The following ZNF540 variants were observed in gnomAD, a reference collection of about 807,000 sequenced individuals.
The protein encoded by ZNF540 is zinc finger protein 540, also known as CTD-3064H18.6.
In ZNF540, 3 loss-of-function variants were observed where a neutral mutation model predicts 11.8. The ratio of observed to expected loss-of-function variants is 0.25; its 90% CI spans 0.12 to 0.65. The LOEUF is 0.65. ZNF540 is among the 30% of genes least tolerant of loss of function. The pLI is 0.83. For missense variants in ZNF540, 709 were observed against 793.1 expected (o/e 0.89, Z 1.27); for synonymous variants, 247 against 259.0 (o/e 0.95, Z 0.45).
At chr19:37,598,315 A>G (rs897117767) in intron 1 of ZNF540, 61 bp from the exon 2 acceptor site, 2 of 829,304 alleles carry the variant, frequency 2.4e-6, no homozygotes, top group Non-Finnish European at 4.0e-6. Context: ...AATTTATATC[A>G]TATTGTTACC....
intron 1 of ZNF540, among the ~76,000 whole-genome samples, chr19:37,554,469 T>G (rs926198878): frequency 4.2e-4 from 64 of 152,232 alleles, no homozygotes; most frequent in South Asian, 2.1e-4. Flanking sequence ...AGTTTATGAA[T>G]CTTGTTACTT....
intron 1 of ZNF540, chr19:37,584,161 A>T (rs1238776539): frequency 6.2e-7 from 1 of 1,607,818 alleles, no homozygotes; most frequent in Non-Finnish European, 8.5e-7. Context: ...AATGAGAAGA[A>T]AATGGAGGAG....
intron 1 of ZNF540, among the ~76,000 whole-genome samples, chr19:37,559,605 A>G (rs2147140329): frequency 6.6e-6 from 1 of 152,364 alleles, no homozygotes; most frequent in African/African-American, 2.4e-5. Flanking sequence ...TCTGGACTCA[A>G]ACCAACTATT....
chr19:37,586,976 A>C, intron 1 of ZNF540: 1 of 382,170 alleles, frequency 2.6e-6, no homozygotes, highest in Non-Finnish European at 4.7e-6. Context: ...CTCCTCTTCC[A>C]CAGTAGAACA....
At position 37,613,527 on chromosome 19, in the gene ZNF540, T is replaced by C; in HGVS notation, c.*264T>C. ...CCACTACTCTACTATCTGTGTGATA[T>C]TAGACAAAATATTTGCTTCTTGGTA... On this transcript the variant is annotated 3_prime_UTR_variant, in exon 5 of 5. Transcript: ENST00000316433. 2.5e-6 allele frequency: 1 copy of C among 395,354 alleles called. No individual in the cohort carries two copies. The allele number at this position is 395,354 out of a possible 1,614,324, so 24.5% of individuals were successfully genotyped here.
In ZNF540 at chr19:37,613,141, C is replaced by T. The variant is rs1044161158; in HGVS notation, c.1861C>T (p.His621Tyr). The change falls in exon 5 of 5, where the codon CAC becomes TAC. Residue 621 changes from histidine (H) to tyrosine (Y), a missense_variant. Physicochemically the swap from His to Tyr is moderately conservative, Grantham distance 83 (BLOSUM62 2). Transcript: ENST00000316433. Reference sequence around the variant, plus strand: ...TGGGAAGGCCTTTAGACTTAATTCACACCTTACTGAACATCAGAGAATTCA... The same window carrying T: ...TGGGAAGGCCTTTAGACTTAATTCATACCTTACTGAACATCAGAGAATTCA... ...QCGKAFRLNS[H>Y]LTEHQRIHTG... 3 of 1,613,246 alleles carry T rather than the reference C, an allele frequency of 1.9e-6. No homozygotes were observed. Among genetic ancestry groups the T allele is most frequent in the East Asian group, 2.2e-5 (1 of 44,752 alleles).
At chr19:37,580,184 A>G (rs925020217) in intron 1 of ZNF540, among the ~76,000 whole-genome samples, 7 of 152,240 alleles carry the variant, frequency 4.6e-5, no homozygotes, top group Admixed American at 4.6e-4. Context: ...ATCTCCAGCT[A>G]TATTATCAGG....
intron 2 of ZNF540, 110 bp from the exon 3 acceptor site, chr19:37,599,516 A>C: frequency 4.7e-6 from 6 of 1,287,400 alleles, no homozygotes; most frequent in Non-Finnish European, 6.5e-6. Context: ...GCCCCAGCCT[A>C]GAGTTTAGTA....
chr19:37,557,783 C>T (rs970478591), intron 1 of ZNF540, among the ~76,000 whole-genome samples: 1 of 152,106 alleles, frequency 6.6e-6, no homozygotes, highest in African/African-American at 2.4e-5. Flanking sequence ...CATCCATTCG[C>T]CAGAAGCACT....
chr19:37,576,535 A>G (rs1226022972), intron 1 of ZNF540, among the ~76,000 whole-genome samples: 3 of 152,198 alleles, frequency 2.0e-5, no homozygotes, highest in Non-Finnish European at 4.4e-5. Flanking sequence ...AAGTTATACT[A>G]ATTTTCCTTA....
intron 1 of ZNF540, among the ~76,000 whole-genome samples, chr19:37,596,001 T>C (rs1401810774): frequency 3.3e-5 from 5 of 152,176 alleles, no homozygotes; most frequent in African/African-American, 1.2e-4. Context: ...TTTTTTTAAA[T>C]TTGAGATGAT....
chr19:37,589,634 G>T (rs73033129), intron 1 of ZNF540, among the ~76,000 whole-genome samples: 26,034 of 151,802 alleles, frequency 0.17, 2,490 homozygotes, highest in Middle Eastern at 0.3. Flanking sequence ...ACACCTATCA[G>T]ATCTGGACAT....
chr19:37,582,030 T>C (rs749588723), intron 1 of ZNF540, among the ~76,000 whole-genome samples: 1 of 152,188 alleles, frequency 6.6e-6, no homozygotes, highest in Non-Finnish European at 1.5e-5. Flanking sequence ...TAAACTCTAA[T>C]CACACTTCTT....
At chr19:37,581,621 T>C (rs1420432491) in intron 1 of ZNF540, among the ~76,000 whole-genome samples, 1 of 151,968 alleles carries the variant, frequency 6.6e-6, no homozygotes, top group East Asian at 1.9e-4. Flanking sequence ...TGTGACATAA[T>C]GCCCTGCTAA....
chr19:37,586,705 GTTC>G (rs1568358699), intron 1 of ZNF540: 3 of 1,613,802 alleles, frequency 1.9e-6, no homozygotes, highest in Admixed American at 1.7e-5. Context: ...AATTTTCTGG[GTTC>G]TTCTCCTGGA....
At chr19:37,560,375 G>A (rs964620811) in intron 1 of ZNF540, 1 of 151,150 alleles carries the variant, frequency 6.6e-6, no homozygotes, top group Non-Finnish European at 1.5e-5. Flanking sequence ...TAAATGTAAT[G>A]ATTTTTTTTT....
intron 1 of ZNF540, 30 bp from the exon 2 acceptor site, chr19:37,598,342 TCTCA>T (rs2044012055): frequency 1.3e-5 from 14 of 1,099,582 alleles, no homozygotes; most frequent in African/African-American, 3.1e-5. Context: ...GCAGACCTAG[TCTCA>T]CTGTCTCATT....
At chr19:37,563,738 TATAC>T (rs2042753052) in intron 1 of ZNF540, 1 of 148,244 alleles carries the variant, frequency 6.7e-6, no homozygotes, top group African/African-American at 2.6e-5. Flanking sequence ...ACGTGGAATA[TATAC>T]ACATGTGGAA....
chr19:37,563,544 CAT>C (rs949549726), intron 1 of ZNF540: 1 of 151,518 alleles, frequency 6.6e-6, no homozygotes, highest in African/African-American at 2.4e-5. Flanking sequence ...ATATGGAATA[CAT>C]ATGTGGAATA....
Sources: gnomAD v4.1 joint callset for allele counts (sites outside exome capture counted in the v4.1 genomes callset) on GRCh38, gnomAD v4.1.1 for gene constraint, MANE v1.5 for transcripts, NCBI Gene and HGNC (gene_info 2026-07-23, HGNC 2026-07-21) for gene names.